Variants in CCDC3 observed in about 807,000 individuals in gnomAD.
The protein encoded by CCDC3 is coiled-coil domain-containing protein 3.
A neutral mutation model predicts 21.4 loss-of-function variants in CCDC3; 24 were observed. The observed-to-expected ratio is 1.12, with a 90% CI of 0.81 to 1.58. CCDC3 has a LOEUF of 1.58. Ranked by LOEUF, CCDC3 falls within the 40% of genes most tolerant of loss-of-function variation. CCDC3 has a pLI of 0.00. For synonymous variants in CCDC3, 186 were observed against 166.0 expected, an observed-to-expected ratio of 1.12 and a Z score of -0.93; for missense variants, 425 against 360.9, an observed-to-expected ratio of 1.18 and a Z score of -1.44.
At chr10:13,006,442 T>G (rs1478008640), upstream of CCDC3, among the ~76,000 whole-genome samples, 1 of 152,242 alleles carries the variant, frequency 6.6e-6, no homozygotes, top group Non-Finnish European at 1.5e-5. Context: ...ATGCAACTTT[T>G]GCACAGCCCA....
intron 2 of CCDC3, among the ~76,000 whole-genome samples, chr10:12,969,653 G>A (rs1394010440): frequency 6.7e-6 from 1 of 148,964 alleles, no homozygotes; most frequent in Non-Finnish European, 1.5e-5. Flanking sequence ...TATATGGTAG[G>A]ATATTATTCA....
intron 2 of CCDC3, among the ~76,000 whole-genome samples, chr10:12,960,773 A>C (rs1835168645): frequency 6.6e-6 from 1 of 152,198 alleles, no homozygotes; most frequent in African/African-American, 2.4e-5. Flanking sequence ...TGGCTGCCTG[A>C]GCTCCGCCTG....
chr10:13,077,056 G>C (rs1332159482), intron 3 of CCDC3, among the ~76,000 whole-genome samples: 1 of 152,184 alleles, frequency 6.6e-6, no homozygotes, highest in Non-Finnish European at 1.5e-5. Context: ...ATTAGGAAAA[G>C]AGGAAGTCAA....
intron 2 of CCDC3, among the ~76,000 whole-genome samples, chr10:12,953,551 G>A (rs557422408): frequency 1.2e-3 from 181 of 152,334 alleles, no homozygotes; most frequent in South Asian, 3.5e-3. Context: ...GGCATGCCAC[G>A]GAGAAGTTAT....
intron 2 of CCDC3, among the ~76,000 whole-genome samples, chr10:12,960,762 T>C (rs1206409041): frequency 6.6e-6 from 1 of 152,194 alleles, no homozygotes. Flanking sequence ...AAAGAATCGC[T>C]TGGCTGCCTG....
At chr10:13,096,413 G>A (rs1444782627) in intron 3 of CCDC3, among the ~76,000 whole-genome samples, 1 of 152,112 alleles carries the variant, frequency 6.6e-6, no homozygotes. Flanking sequence ...TTGAACTCCT[G>A]ACCTCAAACG....
intron 2 of CCDC3, among the ~76,000 whole-genome samples, chr10:12,930,280 T>C (rs771928201): frequency 2.0e-5 from 3 of 152,240 alleles, no homozygotes; most frequent in Non-Finnish European, 4.4e-5. Flanking sequence ...TGGTTTTGCA[T>C]TGTGCCCTCA....
At chr10:13,018,286 G>A (rs564822719) in intron 5 of CCDC3, among the ~76,000 whole-genome samples, 85 of 152,114 alleles carry the variant, frequency 5.6e-4, no homozygotes, top group Non-Finnish European at 1.0e-3. Flanking sequence ...TGGGGTGGAG[G>A]GGAGTCTTCC....
At position 13,091,122 on chromosome 10, in the gene CCDC3, C is replaced by G. The variant is rs576649018; in HGVS notation, c.-503+7403G>C. On this transcript the variant is annotated intron_variant, in intron 3 of 6. Transcript: ENST00000378839. ...ACCTTCTTCTGCCTGCTTTTTCTAG[C>G]CTCACTGGCAACCAACTGGATGGTG... 3.3e-5 allele frequency among the ~76,000 whole-genome samples: 5 copies of G among 152,286 alleles called. No individual in the cohort carries two copies. The South Asian group carries it at 1.0e-3, about 32-fold the overall frequency.
intron 2 of CCDC3, among the ~76,000 whole-genome samples, chr10:12,905,756 T>C (rs1260994279): frequency 6.6e-6 from 1 of 152,212 alleles, no homozygotes; most frequent in Admixed American, 6.5e-5. Context: ...TCCCTTGACA[T>C]TGGACAGATG....
intron 2 of CCDC3, among the ~76,000 whole-genome samples, chr10:12,948,682 C>A (rs962489524): frequency 9.4e-5 from 14 of 149,206 alleles, no homozygotes; most frequent in African/African-American, 3.5e-4. Context: ...TGGTGACCAA[C>A]TGAAGACGAA....
At chr10:13,033,432 C>G (rs560097414) in intron 5 of CCDC3, among the ~76,000 whole-genome samples, 5 of 152,126 alleles carry the variant, frequency 3.3e-5, no homozygotes, top group African/African-American at 1.2e-4. Context: ...TAGGCATGGG[C>G]GAGGACTTCA....
chr10:12,972,713 A>G (rs1835361060), intron 2 of CCDC3, among the ~76,000 whole-genome samples: 1 of 152,158 alleles, frequency 6.6e-6, no homozygotes, highest in African/African-American at 2.4e-5. Context: ...GCTACTCAGG[A>G]GGCTGAGACA....
rs185813379 is a variant in CCDC3, at chr10:12,982,918, G to A, written c.549+15420C>T. ...ACTTGAGATCAGGAGTTTGAGACCA[G>A]CCTGGCCAACATCGTGAAACCCATC... On this transcript the variant is annotated intron_variant, in intron 2 of 2. Coordinates refer to ENST00000378825, the MANE Select transcript of CCDC3 (RefSeq NM_031455.4). Among the ~76,000 whole-genome samples, 1,044 of 149,334 alleles carry A rather than the reference G, an allele frequency of 7.0e-3. 16 individuals are homozygous for A. Among genetic ancestry groups the A allele is most frequent in the African/African-American group, 0.025 (1,007 of 40,748 alleles).
At chr10:13,045,257 T>C (rs980025532) in intron 5 of CCDC3, among the ~76,000 whole-genome samples, 4 of 152,252 alleles carry the variant, frequency 2.6e-5, no homozygotes, top group African/African-American at 7.2e-5. Context: ...TGTGACCATA[T>C]GGCTCCAGGT....
chr10:12,992,239 A>G (rs1158994439), intron 2 of CCDC3, among the ~76,000 whole-genome samples: 1 of 151,962 alleles, frequency 6.6e-6, no homozygotes, highest in Non-Finnish European at 1.5e-5. Context: ...AAAATACAAA[A>G]ATCAGCTGGC....
At chr10:13,019,229 G>A (rs1293479342) in intron 5 of CCDC3, among the ~76,000 whole-genome samples, 6 of 151,706 alleles carry the variant, frequency 4.0e-5, no homozygotes, top group Admixed American at 1.3e-4. Context: ...GTGAGACTCT[G>A]TCTTTAAAAA....
intron 4 of CCDC3, among the ~76,000 whole-genome samples, chr10:13,069,201 G>C (rs904733385): frequency 2.6e-5 from 4 of 152,246 alleles, no homozygotes; most frequent in African/African-American, 7.2e-5. Context: ...GTTGCGGTGA[G>C]CCGAGATTGT....
upstream of CCDC3, among the ~76,000 whole-genome samples, chr10:13,004,674 T>C (rs1485925925): frequency 6.6e-6 from 1 of 150,762 alleles, no homozygotes; most frequent in African/African-American, 2.4e-5. Flanking sequence ...TTGGCCTCTA[T>C]TGTTGACATA....
Sources: gnomAD v4.1 joint callset for allele counts (sites outside exome capture counted in the v4.1 genomes callset) on GRCh38, gnomAD v4.1.1 for gene constraint, MANE v1.5 for transcripts, NCBI Gene and HGNC (gene_info 2026-07-23, HGNC 2026-07-21) for gene names.